ACBD6: variants seen among roughly 807,000 people sequenced by gnomAD.
ACBD6 encodes the protein acyl-CoA binding domain containing 6, also known as acyl-CoA-binding domain-containing protein 6.
Under a neutral mutation model 37.2 loss-of-function variants are expected in ACBD6, and 28 were observed. The observed-to-expected ratio is 0.75, with a 90% CI of 0.56 to 1.03. The LOEUF (loss-of-function observed/expected upper bound fraction) is 1.03, where lower values mean the gene tolerates loss of function less well. Ranked by LOEUF, ACBD6 falls within the 50% of genes least tolerant of loss-of-function variation. ACBD6 has a pLI of 0.00. For missense variants in ACBD6, 340 were observed against 337.4 expected, an observed-to-expected ratio of 1.01 and a Z score of -0.06; for synonymous variants, 113 against 126.8, an observed-to-expected ratio of 0.89 and a Z score of 0.73.
At chr1:180,434,020 T>C (rs963411648) in intron 3 of ACBD6, among the ~76,000 whole-genome samples, 5 of 152,124 alleles carry the variant, frequency 3.3e-5, no homozygotes, top group African/African-American at 1.2e-4. Flanking sequence ...ACACATCTCC[T>C]TGTAAACCAA....
rs550967839 is a variant in ACBD6 at position 180,492,622 on chromosome 1, C to T, written c.288-257G>A. Among the ~76,000 whole-genome samples the T allele has an allele frequency of 4.6e-5, 7 of 152,186 alleles. No homozygotes were observed. The South Asian group carries it at 6.2e-4, about 14-fold the overall frequency. ...CCGTGAAATTTTAAAAACACAGATA[C>T]AATGCATAGCTATTAAATTTTGAAA... On this transcript the variant is annotated intron_variant, in intron 2 of 7. Coordinates refer to ENST00000367595, the MANE Select transcript of ACBD6 (RefSeq NM_032360.4).
chr1:180,377,448 C>A (rs1413159021), intron 6 of ACBD6, among the ~76,000 whole-genome samples: 2 of 152,042 alleles, frequency 1.3e-5, no homozygotes, highest in Non-Finnish European at 2.9e-5. Flanking sequence ...ATAAAGGGAA[C>A]CAGTGATCCT....
chr1:180,314,926 G>A (rs1170912785), intron 6 of ACBD6, among the ~76,000 whole-genome samples: 1 of 152,168 alleles, frequency 6.6e-6, no homozygotes, highest in Non-Finnish European at 1.5e-5. Flanking sequence ...CTTGTGCACT[G>A]TAGCAGCTAC....
chr1:180,413,748 T>C (rs1647960647), intron 4 of ACBD6, among the ~76,000 whole-genome samples: 1 of 151,894 alleles, frequency 6.6e-6, no homozygotes, highest in Admixed American at 6.6e-5. Flanking sequence ...GCAAAGAAAA[T>C]CAATTAGACA....
At chr1:180,403,366 T>A (rs1647462323) in intron 5 of ACBD6, among the ~76,000 whole-genome samples, 1 of 152,164 alleles carries the variant, frequency 6.6e-6, no homozygotes, top group African/African-American at 2.4e-5. Flanking sequence ...AAAAACCAAA[T>A]ACTGAATTCT....
At chr1:180,493,281 A>AAAAAAAAAAAAC (rs1557893866) in intron 2 of ACBD6, among the ~76,000 whole-genome samples, 1 of 145,824 alleles carries the variant, frequency 6.9e-6, no homozygotes, top group East Asian at 2.1e-4. Context: ...AAAAAAAACA[A>AAAAAAAAAAAAC]CAACAGCAAC....
chr1:180,415,807 A>C (rs980614987), intron 4 of ACBD6, among the ~76,000 whole-genome samples: 1 of 152,234 alleles, frequency 6.6e-6, no homozygotes, highest in African/African-American at 2.4e-5. Flanking sequence ...TAAACACAGT[A>C]CAAACACATA....
intron 3 of ACBD6, among the ~76,000 whole-genome samples, chr1:180,449,873 G>A (rs1298698910): frequency 6.7e-6 from 1 of 149,132 alleles, no homozygotes. Context: ...TAACAAACCT[G>A]CACATTGTGC....
intron 6 of ACBD6, among the ~76,000 whole-genome samples, chr1:180,387,396 G>A (rs1426191992): frequency 6.6e-6 from 1 of 152,148 alleles, no homozygotes; most frequent in Non-Finnish European, 1.5e-5. Context: ...AGGGTGGGAG[G>A]TGATGGATAT....
chr1:180,398,902 G>T (rs1356102536), intron 5 of ACBD6, among the ~76,000 whole-genome samples: 4 of 152,090 alleles, frequency 2.6e-5, no homozygotes, highest in African/African-American at 9.7e-5. Flanking sequence ...GCTAGGGCAA[G>T]GATTGATTTA....
chr1:180,386,784 C>T (rs1653862077), intron 6 of ACBD6, among the ~76,000 whole-genome samples: 2 of 151,434 alleles, frequency 1.3e-5, no homozygotes, highest in Admixed American at 6.6e-5. Context: ...TCTCTTATTC[C>T]TTTGCTGAGA....
chr1:180,384,463 T>C (rs1653775247), intron 6 of ACBD6, among the ~76,000 whole-genome samples: 2 of 152,152 alleles, frequency 1.3e-5, no homozygotes, highest in African/African-American at 4.8e-5. Context: ...TACCATCTTA[T>C]CCCAGTTAGA....
intron 1 of ACBD6, among the ~76,000 whole-genome samples, chr1:180,498,691 C>T (rs1651827618): frequency 6.6e-6 from 1 of 152,034 alleles, no homozygotes; most frequent in Non-Finnish European, 1.5e-5. Flanking sequence ...AACCCCATCT[C>T]TACTAAAAAT....
intron 6 of ACBD6, among the ~76,000 whole-genome samples, chr1:180,390,505 T>C (rs1654032897): frequency 6.6e-6 from 1 of 152,190 alleles, no homozygotes; most frequent in East Asian, 1.9e-4. Flanking sequence ...TGGTTCCATA[T>C]GAACTTTAAA....
At chr1:180,318,449 G>C (rs563035896) in intron 6 of ACBD6, among the ~76,000 whole-genome samples, 1 of 152,074 alleles carries the variant, frequency 6.6e-6, no homozygotes, top group African/African-American at 2.4e-5. Context: ...TATGCTTTTT[G>C]ATTCTGGACT....
At chr1:180,485,718 T>C (rs1651236421) in intron 3 of ACBD6, among the ~76,000 whole-genome samples, 1 of 152,218 alleles carries the variant, frequency 6.6e-6, no homozygotes, top group South Asian at 2.1e-4. Context: ...GGTACTTTAC[T>C]ACAGTAGCCC....
chr1:180,473,542 C>T (rs1034071131), intron 3 of ACBD6, among the ~76,000 whole-genome samples: 1 of 151,552 alleles, frequency 6.6e-6, no homozygotes, highest in East Asian at 1.9e-4. Flanking sequence ...ATGTCTCTAT[C>T]TAACTTTGTA....
intron 6 of ACBD6, among the ~76,000 whole-genome samples, chr1:180,390,382 G>A (rs9659250): frequency 0.82 from 119,035 of 145,654 alleles, 49,207 homozygotes; most frequent in Non-Finnish European, 0.88. Context: ...TGGTACCAGT[G>A]CCATGCTGTT....
intron 6 of ACBD6, among the ~76,000 whole-genome samples, chr1:180,367,661 ATTAGTTTGCTATGGGT>A (rs1653099866): frequency 6.6e-6 from 1 of 152,104 alleles, no homozygotes; most frequent in Admixed American, 6.6e-5. Flanking sequence ...CTATTCCTGC[ATTAGTTTGCTATGGGT>A]AATAGCCTCC....
Sources: gnomAD v4.1 joint callset for allele counts (sites outside exome capture counted in the v4.1 genomes callset) on GRCh38, gnomAD v4.1.1 for gene constraint, MANE v1.5 for transcripts, NCBI Gene and HGNC (gene_info 2026-07-23, HGNC 2026-07-21) for gene names.